The following TAPT1 variants were observed in gnomAD, a reference collection of about 807,000 sequenced individuals.
TAPT1 encodes transmembrane anterior posterior transformation 1.
A neutral mutation model predicts 65.6 loss-of-function variants in TAPT1; 28 were observed. That is an observed-to-expected ratio of 0.43 (90% confidence interval 0.32 to 0.59). The LOEUF is 0.59. Ranked by LOEUF, TAPT1 falls within the 20% of genes least tolerant of loss-of-function variation. The probability of loss-of-function intolerance (pLI) is 0.09; values close to 1 mark genes in which losing one functional copy is unlikely to be tolerated. For synonymous variants in TAPT1, 278 were observed against 245.2 expected, an observed-to-expected ratio of 1.13 and a Z score of -1.25; for missense variants, 563 against 679.9, an observed-to-expected ratio of 0.83 and a Z score of 1.91.
At chr4:16,194,381 G>C (rs899125184) in intron 3 of TAPT1, among the ~76,000 whole-genome samples, 2 of 152,154 alleles carry the variant, frequency 1.3e-5, no homozygotes, top group Non-Finnish European at 2.9e-5. Context: ...CATGCCTGTG[G>C]TTGTACAGTG....
chr4:16,220,174 C>G (rs957550217), intron 1 of TAPT1, among the ~76,000 whole-genome samples: 1 of 152,170 alleles, frequency 6.6e-6, no homozygotes, highest in African/African-American at 2.4e-5. Context: ...CTTATCTGTC[C>G]TATAATTTTG....
chr4:16,168,545 C>A (rs1026159225), intron 12 of TAPT1, among the ~76,000 whole-genome samples: 1 of 152,240 alleles, frequency 6.6e-6, no homozygotes, highest in Non-Finnish European at 1.5e-5. Context: ...AGCCTACGCT[C>A]TTCCCAGGTG....
chr4:16,163,711 T>G (rs1285223219), intron 13 of TAPT1, among the ~76,000 whole-genome samples, 174 bp from the exon 14 acceptor site: 12 of 152,224 alleles, frequency 7.9e-5, no homozygotes, highest in Admixed American at 7.9e-4. Context: ...TAATAAAACT[T>G]AGAGGCTAAT....
At chr4:16,209,171 A>T (rs971423875) in intron 2 of TAPT1, among the ~76,000 whole-genome samples, 3 of 151,722 alleles carry the variant, frequency 2.0e-5, no homozygotes, top group Admixed American at 6.6e-5. Flanking sequence ...TAGCCACCCC[A>T]TCCTACAAAG....
At chr4:16,173,258 G>A (rs897956651) in intron 11 of TAPT1, among the ~76,000 whole-genome samples, 1 of 151,984 alleles carries the variant, frequency 6.6e-6, no homozygotes, top group African/African-American at 2.4e-5. Flanking sequence ...ACTAAGCCAG[G>A]CTAAACAAAT....
intron 3 of TAPT1, among the ~76,000 whole-genome samples, chr4:16,199,900 C>T (rs1440869650): frequency 6.6e-6 from 1 of 152,136 alleles, no homozygotes; most frequent in East Asian, 1.9e-4. Flanking sequence ...AGAAAAGACT[C>T]TTCTAATGCT....
chr4:16,191,218 C>A (rs1292029714), intron 4 of TAPT1, 143 bp downstream of exon 4: 2 of 792,750 alleles, frequency 2.5e-6, no homozygotes, highest in African/African-American at 3.5e-5. Flanking sequence ...AAGAAGAGCC[C>A]CCAAGTGATG....
intron 3 of TAPT1, among the ~76,000 whole-genome samples, chr4:16,198,764 C>G (rs1749866351): frequency 6.6e-6 from 1 of 152,158 alleles, no homozygotes; most frequent in Non-Finnish European, 1.5e-5. Context: ...TAAAAGCTAT[C>G]AGAAGGCAAA....
chr4:16,190,721 G>A (rs986448530), intron 4 of TAPT1: 3 of 154,754 alleles, frequency 1.9e-5, no homozygotes, highest in Admixed American at 1.3e-4. Flanking sequence ...CTTATAAAGC[G>A]AAGCATTTTT....
rs1027902523 is a variant in TAPT1 at position 16,214,986 on chromosome 4, G to A, written c.200-1088C>T. ...CTAAAGCCTACATGTGAGGGGGGAAGCGTTTATAGTAAAAAATATCCTTGG... is the reference window on the plus strand; with the variant it reads ...CTAAAGCCTACATGTGAGGGGGGAAACGTTTATAGTAAAAAATATCCTTGG... On this transcript the variant is annotated intron_variant, in intron 1 of 13. Transcript: ENST00000405303. Among the ~76,000 whole-genome samples, 3 of 152,210 alleles carry A rather than the reference G, an allele frequency of 2.0e-5. No individual in the cohort carries two copies. In the South Asian group the frequency reaches 6.2e-4, roughly 32 times the overall value.
intron 1 of TAPT1, among the ~76,000 whole-genome samples, 151 bp from the exon 2 acceptor site, chr4:16,214,049 C>G (rs1286627691): frequency 6.6e-6 from 1 of 152,166 alleles, no homozygotes; most frequent in Non-Finnish European, 1.5e-5. Flanking sequence ...ACACAATGAT[C>G]AGCAAGTATT....
At chr4:16,226,046 G>A in intron 1 of TAPT1, 3 of 1,010,410 alleles carry the variant, frequency 3.0e-6, no homozygotes, top group Non-Finnish European at 3.5e-6. Context: ...GGCCGCGGGG[G>A]CCTCGGGGCT....
Position 16,226,095 on chromosome 4 carries a change from G to GAGCCTCGGC in TAPT1, c.199+155_199+163dup, listed in dbSNP as rs547336789. 4.1e-3 allele frequency: 4,229 copies of GAGCCTCGGC among 1,029,050 alleles called. 15 individuals carry two copies. Among genetic ancestry groups the GAGCCTCGGC allele is most frequent in the Middle Eastern group, 7.5e-3 (16 of 2,124 alleles). The allele number at this position is 1,029,050 out of a possible 1,614,324, so 63.7% of individuals were successfully genotyped here. ...GCCCGAGGAACTGTCAACGGCCGCG[G>GAGCCTCGGC]AGCCTCGGCAGCCTCGGCGGCTCCG... On this transcript the variant is annotated intron_variant, in intron 1 of 13. Coordinates refer to ENST00000405303, the MANE Select transcript of TAPT1 (RefSeq NM_153365.3).
At chr4:16,226,866 A>G, upstream of TAPT1, 1 of 227,970 alleles carries the variant, frequency 4.4e-6, no homozygotes, top group Non-Finnish European at 8.6e-6. Context: ...AGCCCCGGAG[A>G]GGCGGCCGCC....
intron 7 of TAPT1, 145 bp from the exon 8 acceptor site, chr4:16,179,802 ATGTGTGTGTGTG>A (rs56086979): frequency 1.3e-5 from 4 of 310,010 alleles, no homozygotes; most frequent in Admixed American, 1.0e-4. Flanking sequence ...ATATATATAT[ATGTGTGTGTGTG>A]TGTGTGTGTG....
intron 2 of TAPT1, among the ~76,000 whole-genome samples, chr4:16,209,791 G>A (rs150949551): frequency 7.4e-4 from 112 of 152,294 alleles, no homozygotes; most frequent in African/African-American, 2.6e-3. Flanking sequence ...TGGATTGAAC[G>A]CAAACACATG....
chr4:16,174,730 C>T lies in TAPT1; in HGVS notation c.1108-1G>A. 2 of 1,565,524 alleles carry T rather than the reference C, an allele frequency of 1.3e-6. No individual in the cohort carries two copies. Among genetic ancestry groups the T allele is most frequent in the Non-Finnish European group, 1.7e-6 (2 of 1,156,254 alleles). Reference sequence around the variant, plus strand: ...GACTGGCTCTATATTCACTGTAGACCTAAAAACAAACAAGAATGAAATATC... The same window carrying T: ...GACTGGCTCTATATTCACTGTAGACTTAAAAACAAACAAGAATGAAATATC... On this transcript the variant is annotated splice_acceptor_variant, in intron 9 of 13. Coordinates refer to ENST00000405303, the MANE Select transcript of TAPT1 (RefSeq NM_153365.3). LOFTEE classifies it high-confidence loss of function.
chr4:16,214,786 G>A (rs761007936), intron 1 of TAPT1, among the ~76,000 whole-genome samples: 6 of 152,086 alleles, frequency 3.9e-5, no homozygotes, highest in Admixed American at 1.3e-4. Flanking sequence ...CTTCCAGAAC[G>A]CAGGTTACCA....
rs1415682122 is a variant in TAPT1, at chr4:16,209,619, T to G, written c.330+4149A>C. On this transcript the variant is annotated intron_variant, in intron 2 of 13. Coordinates refer to ENST00000405303, the MANE Select transcript of TAPT1 (RefSeq NM_153365.3). ...TTTGTACCTGATGCATGGTAAACTG[T>G]TCCTAGGGGACCTAAATGGAGAGCA... Among the ~76,000 whole-genome samples, 6 of 152,200 alleles carry G rather than the reference T, an allele frequency of 3.9e-5. No individual in the cohort carries two copies. The South Asian group carries it at 1.2e-3, about 31-fold the overall frequency.
Sources: allele counts gnomAD v4.1 joint callset (sites outside exome capture counted in the v4.1 genomes callset), GRCh38; gene constraint gnomAD v4.1.1; transcripts MANE v1.5; gene names NCBI Gene and HGNC (gene_info 2026-07-23, HGNC 2026-07-21).